Variants in TNXB observed in about 807,000 individuals in gnomAD.
The protein encoded by TNXB is tenascin-X.
TNXB carries 183 observed loss-of-function variants against 340.5 expected under a neutral mutation model. The observed-to-expected ratio is 0.54, with a 90% CI of 0.48 to 0.61. TNXB has a LOEUF of 0.61. Ranked by LOEUF, TNXB falls within the 20% of genes least tolerant of loss-of-function variation. The probability of loss-of-function intolerance (pLI) is 0.00; values close to 1 mark genes in which losing one functional copy is unlikely to be tolerated. For synonymous variants in TNXB, 2,121 were observed against 2,314.5 expected (o/e 0.92, Z 2.40); for missense variants, 4,613 against 5,446.4 (o/e 0.85, Z 4.82).
chr6:32,049,704 C>T lies in TNXB; in HGVS notation c.9440-117G>A. 2 of 1,305,348 alleles carry T rather than the reference C, an allele frequency of 1.5e-6. No homozygotes were observed. The highest frequency in any genetic ancestry group is 1.0e-6 in the Non-Finnish European group (1 of 964,624). 80.9% of individuals were successfully genotyped at this position (1,305,348 alleles called of 1,614,324 possible). On this transcript the variant is annotated intron_variant, in intron 27 of 43. Transcript: ENST00000644971. This position sits in a 1 kb window ranked among gnomAD's most constrained non-coding sequence, Gnocchi z 4.5. Reference sequence around the variant, plus strand: ...TGAGGTCATTTCAGAGAAGTCCATTCTTGGGGCTGGGTGGTCCTGCTCAGC... The same window carrying T: ...TGAGGTCATTTCAGAGAAGTCCATTTTTGGGGCTGGGTGGTCCTGCTCAGC...
rs199581373 is a variant in TNXB, at chr6:32,097,990, T to G, written c.209A>C (p.Gln70Pro). The change falls in exon 2 of 44, where the codon CAG becomes CCG. Residue 70 changes from glutamine (Q) to proline (P), a missense_variant. Physicochemically the swap from Gln to Pro is moderately conservative, Grantham distance 76. Coordinates refer to ENST00000644971, the MANE Select transcript of TNXB (RefSeq NM_001365276.2). The surrounding 1 kb of genome is among the most constrained non-coding windows in gnomAD (Gnocchi z 5.9). ...YEHTVEGGEK[Q>P]VVFTHRINLP... ...GTTAATGCGGTGGGTGAATACCACCTGCTTCTCCCCTCCTTCCACTGTGTG... is the reference window on the plus strand; with the variant it reads ...GTTAATGCGGTGGGTGAATACCACCGGCTTCTCCCCTCCTTCCACTGTGTG... 1.9e-6 allele frequency: 3 copies of G among 1,607,276 alleles called. No homozygotes were observed. Among genetic ancestry groups the G allele is most frequent in the South Asian group, 1.1e-5 (1 of 89,560 alleles).
At chr6:32,100,948 C>T (rs575314383) in intron 1 of TNXB, among the ~76,000 whole-genome samples, 2 of 150,024 alleles carry the variant, frequency 1.3e-5, no homozygotes, top group South Asian at 4.3e-4. Context: ...GGCGTGGTAG[C>T]GGGCACCTGT....
Position 32,098,115 on chromosome 6 carries a change from T to C in TNXB, c.84A>G (p.Ser28=). 6.3e-7 allele frequency: 1 copy of C among 1,599,800 alleles called. No individual in the cohort carries two copies. The change falls in exon 2 of 44, where the codon TCA becomes TCG. Residue 28 remains serine, a synonymous_variant. Transcript: ENST00000644971. The part of the protein sequence containing the change: ...LSTARAGPFS[S]RSNVTLPAPR... ...GGGCTGGCAGTGTCACATTGGACCG[T>C]GAAGAGAAGGGGCCTGCTCTGGCTG...
At position 32,067,120 on chromosome 6, in the gene TNXB, A is replaced by G. The variant is rs568529318; in HGVS notation, c.6544+541T>C. Among the ~76,000 whole-genome samples, 1 of 115,150 alleles carries G rather than the reference A, an allele frequency of 8.7e-6. No homozygotes were observed. Among genetic ancestry groups the G allele is most frequent in the African/African-American group, 3.6e-5 (1 of 28,070 alleles). 75.5% of individuals were successfully genotyped at this position (115,150 alleles called of 152,430 possible). On this transcript the variant is annotated intron_variant, in intron 18 of 43. Transcript: ENST00000644971. This position sits in a 1 kb window ranked among gnomAD's most constrained non-coding sequence, Gnocchi z 4.2. The stretch of plus-strand genomic sequence containing the variant: ...ATGAAAGAAAGAAAGAAAGAGAAAG[A>G]AAGAAAGGAAGGAAGAAAGAAAGAA...
At position 32,069,958 on chromosome 6, in the gene TNXB, C is replaced by T. The variant is rs984779411; in HGVS notation, c.5279-97G>A. Reference sequence around the variant, plus strand: ...TGAGAGGTCTGGAGACAGGGCTTTGCGTGGCTGAGTCCTGCCGGGCTGTGC... The same window carrying T: ...TGAGAGGTCTGGAGACAGGGCTTTGTGTGGCTGAGTCCTGCCGGGCTGTGC... On this transcript the variant is annotated intron_variant, in intron 14 of 43. Coordinates refer to ENST00000644971, the MANE Select transcript of TNXB (RefSeq NM_001365276.2). This position sits in a 1 kb window ranked among gnomAD's most constrained non-coding sequence, Gnocchi z 6.2. The T allele has an allele frequency of 8.6e-6, 12 of 1,394,610 alleles. No individual in the cohort carries two copies. The African/African-American group carries it at 8.6e-5, about 10-fold the overall frequency. 86.4% of individuals were successfully genotyped at this position (1,394,610 alleles called of 1,614,324 possible). A position where few individuals can be genotyped will look rare whatever the true frequency, so the allele number is the denominator to read the frequency against.
At position 32,068,071 on chromosome 6, in the gene TNXB, G is replaced by C; in HGVS notation, c.6221-87C>G. 2.0e-6 allele frequency: 3 copies of C among 1,518,440 alleles called. No homozygotes were observed. The highest frequency in any genetic ancestry group is 2.7e-6 in the Non-Finnish European group (3 of 1,129,434). 94.1% of individuals were successfully genotyped at this position (1,518,440 alleles called of 1,614,324 possible). A position where few individuals can be genotyped will look rare whatever the true frequency, so the allele number is the denominator to read the frequency against. ...AGCCAAGGCTATGACTGGGGGACCC[G>C]AGGTCAGTTCAGAGAGGCCTACTCT... is the stretch of plus-strand genomic sequence containing the variant. On this transcript the variant is annotated intron_variant, in intron 17 of 43. Coordinates refer to ENST00000644971, the MANE Select transcript of TNXB (RefSeq NM_001365276.2). The surrounding 1 kb of genome is among the most constrained non-coding windows in gnomAD (Gnocchi z 5.3).
rs970377869 is a variant in TNXB at position 32,082,499 on chromosome 6, T to C, written c.3446-173A>G. Among the ~76,000 whole-genome samples, 21 of 152,282 alleles carry C rather than the reference T, an allele frequency of 1.4e-4. No homozygotes were observed. The highest frequency in any genetic ancestry group is 5.1e-4 in the African/African-American group (21 of 41,548). ...CCAGCCAGCACTCTGCTTGCCGAGC[T>C]GTGTGCCCTGGTGAGGAGTGGTGTC... On this transcript the variant is annotated intron_variant, in intron 8 of 43. Coordinates refer to ENST00000644971, the MANE Select transcript of TNXB (RefSeq NM_001365276.2). This position sits in a 1 kb window ranked among gnomAD's most constrained non-coding sequence, Gnocchi z 5.0.
chr6:32,089,369 GC>G lies in TNXB; in HGVS notation c.2368del (p.Ala790ArgfsTer50). 1 of 1,605,784 alleles carries G rather than the reference GC, an allele frequency of 6.2e-7. No individual in the cohort carries two copies. Among genetic ancestry groups the G allele is most frequent in the East Asian group, 2.2e-5 (1 of 44,808 alleles). ...EIQFIPTTEG[A>X]SPPFTARVPS... ...AACCCGTGCTGTGAATGGGGGGCTC[GC>G]CCCCTCTGTCTGTGAGAGAGAGCAC... On this transcript the variant is annotated frameshift_variant, in exon 5 of 44. Transcript: ENST00000644971. LOFTEE classifies it high-confidence loss of function. This position sits in a 1 kb window ranked among gnomAD's most constrained non-coding sequence, Gnocchi z 6.2.
In TNXB at chr6:32,108,742, G is replaced by A. The variant is rs1466533451; in HGVS notation, c.-9+439C>T. On this transcript the variant is annotated intron_variant, in intron 1 of 43. Transcript: ENST00000644971. This position sits in a 1 kb window ranked among gnomAD's most constrained non-coding sequence, Gnocchi z 4.8. ...AGCCTGGGCTCAGCTGCTCTAGCCC[G>A]ACATTTGGGATTCCGCAAGCACTTT... 6.6e-6 allele frequency among the ~76,000 whole-genome samples: 1 copy of A among 152,218 alleles called. No homozygotes were observed. Among genetic ancestry groups the A allele is most frequent in the Non-Finnish European group, 1.5e-5 (1 of 68,002 alleles).
rs1230241350 is a variant in TNXB, at chr6:32,064,316, G to C, written c.6841+505C>G. ...CAACCTCCGCCTCCTGGGTTCAAGCGATTCTCCCGCCTTAGCCTCCCGAGT... is the reference window on the plus strand; with the variant it reads ...CAACCTCCGCCTCCTGGGTTCAAGCCATTCTCCCGCCTTAGCCTCCCGAGT... On this transcript the variant is annotated intron_variant, in intron 19 of 43. Coordinates refer to ENST00000644971, the MANE Select transcript of TNXB (RefSeq NM_001365276.2). The surrounding 1 kb of genome is among the most constrained non-coding windows in gnomAD (Gnocchi z 5.3). Among the ~76,000 whole-genome samples, 1 of 152,076 alleles carries C rather than the reference G, an allele frequency of 6.6e-6. No individual in the cohort carries two copies. The highest frequency in any genetic ancestry group is 1.5e-5 in the Non-Finnish European group (1 of 68,016).
rs1256990283 is a variant in TNXB at position 32,096,650 on chromosome 6, C to G, written c.1203G>C (p.Val401=). The G allele has an allele frequency of 2.6e-6, 4 of 1,546,380 alleles. No individual in the cohort carries two copies. In the Admixed American group the frequency reaches 5.9e-5, roughly 23 times the overall value. ...DTGYSGDDCG[V]RSCPGDCNQR... ...GGTTGCAGTCGCCAGGGCAGCTGCGCACGCCGCAGTCGTCCCCGCTGTAGC... is the reference window on the plus strand; with the variant it reads ...GGTTGCAGTCGCCAGGGCAGCTGCGGACGCCGCAGTCGTCCCCGCTGTAGC... The change falls in exon 3 of 44, where the codon GTG becomes GTC. Residue 401 remains valine (V), a synonymous_variant. Coordinates refer to ENST00000644971, the MANE Select transcript of TNXB (RefSeq NM_001365276.2).
intron 4 of TNXB, among the ~76,000 whole-genome samples, chr6:32,091,015 C>G (rs1437574788): frequency 6.6e-6 from 1 of 152,224 alleles, no homozygotes; most frequent in African/African-American, 2.4e-5. Flanking sequence ...CTTGGTTCCT[C>G]CTGAGATCCA....
chr6:32,075,997 G>A lies in TNXB; in HGVS notation c.4376-2045C>T, dbSNP rs1562841829. ...GAAATGAGTCAGGCTGGGGAGGGCA[G>A]GCATGGAGGCAGCTGAGGTGGTGGG... On this transcript the variant is annotated intron_variant, in intron 11 of 43. Coordinates refer to ENST00000644971, the MANE Select transcript of TNXB (RefSeq NM_001365276.2). This position sits in a 1 kb window ranked among gnomAD's most constrained non-coding sequence, Gnocchi z 4.6. Among the ~76,000 whole-genome samples, 1 of 152,182 alleles carries A rather than the reference G, an allele frequency of 6.6e-6. No homozygotes were observed. Among genetic ancestry groups the A allele is most frequent in the Non-Finnish European group, 1.5e-5 (1 of 68,034 alleles).
rs771113473 is a variant in TNXB, at chr6:32,061,379, A to T, written c.7492+18T>A. On this transcript the variant is annotated intron_variant, in intron 21 of 43. Transcript: ENST00000644971. This position sits in a 1 kb window ranked among gnomAD's most constrained non-coding sequence, Gnocchi z 4.4. Reference sequence around the variant, plus strand: ...ATGAGGGAAAGGTGGTTACCCCGAGACTCCAAGCACTACTCACCAGTCACG... The same window carrying T: ...ATGAGGGAAAGGTGGTTACCCCGAGTCTCCAAGCACTACTCACCAGTCACG... 2.5e-6 allele frequency: 4 copies of T among 1,604,872 alleles called. No homozygotes were observed. The highest frequency in any genetic ancestry group is 2.6e-6 in the Non-Finnish European group (3 of 1,174,388).
rs765589802 is a variant in TNXB, at chr6:32,085,840, G to T, written c.3058C>A (p.Pro1020Thr). The change falls in exon 7 of 44, where the codon CCC becomes ACC. Residue 1020 changes from proline (P) to threonine (T), a missense_variant. Transcript: ENST00000644971. The surrounding 1 kb of genome is among the most constrained non-coding windows in gnomAD (Gnocchi z 6.4). ...AGCTCATACGGGGTTCCAGGAGGGG[G>T]TGGAGGCACCAGAGCCTGGCGGACG... ...GDVRQALVPPPPPGTPYELSL... is the reference protein window; with the variant it reads ...GDVRQALVPPTPPGTPYELSL... 6 of 1,606,606 alleles carry T rather than the reference G, an allele frequency of 3.7e-6. No homozygotes were observed. In the African/African-American group the frequency reaches 5.3e-5, roughly 14 times the overall value.
rs776953580 is a variant in TNXB at position 32,043,860 on chromosome 6, C to G, written c.11419G>C (p.Ala3807Pro). The stretch of plus-strand genomic sequence containing the variant: ...AGCCCCTGGAGTTTCTGGGTCCGGG[C>G]CTGGCCATCCACCTGCACACTCTGA... The part of the protein sequence containing the change: ...EPQSVQVDGQ[A>P]RTQKLQGLIP... The change falls in exon 35 of 44, where the codon GCC becomes CCC. Residue 3807 changes from alanine to proline, a missense_variant. This residue lies in a region of TNXB where 114 missense variants were observed against 104.5 expected (regional missense o/e 1.09). Transcript: ENST00000644971. The G allele has an allele frequency of 6.2e-7, 1 of 1,613,740 alleles. No individual in the cohort carries two copies. Among genetic ancestry groups the G allele is most frequent in the South Asian group, 1.1e-5 (1 of 91,088 alleles).
At position 32,068,659 on chromosome 6, in the gene TNXB, G is replaced by A. The variant is rs748738261; in HGVS notation, c.5951C>T (p.Pro1984Leu). 1.2e-6 allele frequency: 2 copies of A among 1,613,942 alleles called. No homozygotes were observed. The highest frequency in any genetic ancestry group is 1.1e-5 in the South Asian group (1 of 91,080). Residue 1984 changes from proline (P) to leucine (L), a missense_variant, in exon 17 of 44, where the codon CCC (proline) becomes CTC (leucine). Around this residue, in one of 7 missense-constraint regions of TNXB, gnomAD observed 4,327 missense variants for 4,859.4 expected, o/e 0.89. Coordinates refer to ENST00000644971, the MANE Select transcript of TNXB (RefSeq NM_001365276.2). This position sits in a 1 kb window ranked among gnomAD's most constrained non-coding sequence, Gnocchi z 5.3. ...CTCCCCCAGGCGAGGCTTGATGGGG[G>A]GCTCGGGGGTTGCGGTGGGAGGTTC... ...PSEPPTATPEPPIKPRLGELT... is the reference protein window; with the variant it reads ...PSEPPTATPELPIKPRLGELT...
At position 32,058,328 on chromosome 6, in the gene TNXB, G is replaced by C; in HGVS notation, c.7555C>G (p.Pro2519Ala). The C allele has an allele frequency of 6.2e-7, 1 of 1,612,008 alleles. No individual in the cohort carries two copies. Among genetic ancestry groups the C allele is most frequent in the African/African-American group, 1.3e-5 (1 of 74,666 alleles). ...PTEPGTEAPG[P>A]PEEPLLGELT... ...TCCCCCAGGAGAGGCTCCTCGGGGG[G>C]CCCTGGGGCCTCTGTGCCTGGTTCT... is the stretch of plus-strand genomic sequence containing the variant. The change falls in exon 22 of 44, where the codon CCC becomes GCC. Residue 2519 changes from proline to alanine, a missense_variant. By Grantham distance (27) the Pro-to-Ala change is conservative (BLOSUM62 -1). This residue lies in a region of TNXB where 4,327 missense variants were observed against 4,859.4 expected (regional missense o/e 0.89). Coordinates refer to ENST00000644971, the MANE Select transcript of TNXB (RefSeq NM_001365276.2). This position sits in a 1 kb window ranked among gnomAD's most constrained non-coding sequence, Gnocchi z 5.1.
chr6:32,072,160 A>G lies in TNXB; in HGVS notation c.4820T>C (p.Phe1607Ser), dbSNP rs753860861. The stretch of plus-strand genomic sequence containing the variant: ...GTCCCTGTCCTTGTACTGAACCACA[A>G]AGGAGTCGAATTCACCCTCAGGGAC... ...WTVPEGEFDS[F>S]VVQYKDRDGQ... Residue 1607 changes from phenylalanine to serine, a missense_variant, in exon 13 of 44, where the codon TTT becomes TCT. Around this residue, in one of 7 missense-constraint regions of TNXB, gnomAD observed 4,327 missense variants for 4,859.4 expected, o/e 0.89. Transcript: ENST00000644971. The surrounding 1 kb of genome is among the most constrained non-coding windows in gnomAD (Gnocchi z 4.4). 1.1e-5 allele frequency: 18 copies of G among 1,613,502 alleles called. No individual in the cohort carries two copies. In the South Asian group the frequency reaches 1.9e-4, roughly 17 times the overall value.
Sources: allele counts gnomAD v4.1 joint callset (sites outside exome capture counted in the v4.1 genomes callset), GRCh38; gene constraint gnomAD v4.1.1; regional missense constraint gnomAD v4.1.1; non-coding constraint Gnocchi (gnomAD v3.1); transcripts MANE v1.5; gene names NCBI Gene and HGNC (gene_info 2026-07-23, HGNC 2026-07-21).